Variants in PDZRN3 observed in about 807,000 individuals in gnomAD.
The protein encoded by PDZRN3 is PDZ domain containing ring finger 3.
In PDZRN3, 38 loss-of-function variants were observed where a neutral mutation model predicts 85.7. The ratio of observed to expected loss-of-function variants is 0.44; its 90% CI spans 0.34 to 0.58. The LOEUF is 0.58. Among genes scored for constraint, PDZRN3 ranks in the 20% least tolerant of loss-of-function variants. The pLI is 0.01. For synonymous variants in PDZRN3, 759 were observed against 638.0 expected (o/e 1.19, Z -2.86); for missense variants, 1,629 against 1,506.4 (o/e 1.08, Z -1.35).
intron 3 of PDZRN3, among the ~76,000 whole-genome samples, chr3:73,435,304 C>T (rs1016865200): frequency 1.3e-5 from 2 of 152,170 alleles, no homozygotes; most frequent in African/African-American, 4.8e-5. Context: ...GCCTTCCTTC[C>T]AGGCCCTCAC....
At chr3:73,499,759 T>C (rs990571302) in intron 3 of PDZRN3, among the ~76,000 whole-genome samples, 5 of 152,210 alleles carry the variant, frequency 3.3e-5, no homozygotes, top group Non-Finnish European at 7.3e-5. Context: ...CCCTGGCTCA[T>C]ACCTGGGTTT....
At chr3:73,416,651 T>A (rs1166234553) in intron 3 of PDZRN3, among the ~76,000 whole-genome samples, 1 of 152,192 alleles carries the variant, frequency 6.6e-6, no homozygotes, top group Admixed American at 6.5e-5. Flanking sequence ...AAGAATGGTT[T>A]ATTCTGTGAC....
chr3:73,526,941 T>C (rs1394921962), intron 3 of PDZRN3, among the ~76,000 whole-genome samples: 2 of 152,094 alleles, frequency 1.3e-5, no homozygotes, highest in African/African-American at 4.8e-5. Flanking sequence ...CTCCGCCTCC[T>C]GGGTTCAAGC....
intron 3 of PDZRN3, among the ~76,000 whole-genome samples, chr3:73,514,108 T>C (rs975480832): frequency 1.3e-5 from 2 of 152,218 alleles, no homozygotes; most frequent in Non-Finnish European, 2.9e-5. Context: ...AAACAAAGGA[T>C]ACTTAGAAGT....
chr3:73,447,771 T>G (rs1702779954), intron 3 of PDZRN3, among the ~76,000 whole-genome samples: 1 of 152,198 alleles, frequency 6.6e-6, no homozygotes, highest in Admixed American at 6.5e-5. Flanking sequence ...CTGTTAACCA[T>G]GTTGATGTTC....
chr3:73,554,348 GAGAAGAC>G (rs59590608), intron 3 of PDZRN3, among the ~76,000 whole-genome samples: 217 of 106,466 alleles, frequency 2.0e-3, no homozygotes, highest in African/African-American at 8.6e-3. Context: ...GGATTGTTGA[GAGAAGAC>G]ACACACACAC....
intron 5 of PDZRN3, among the ~76,000 whole-genome samples, chr3:73,400,378 G>T (rs1192409181): frequency 6.6e-6 from 1 of 152,174 alleles, no homozygotes; most frequent in African/African-American, 2.4e-5. Context: ...ACATTATGTA[G>T]CATCTTGAAT....
At chr3:73,405,776 T>C (rs1701842550) in intron 3 of PDZRN3, among the ~76,000 whole-genome samples, 1 of 152,254 alleles carries the variant, frequency 6.6e-6, no homozygotes, top group African/African-American at 2.4e-5. Flanking sequence ...TACATTTTCC[T>C]CCCTTAGTAT....
intron 2 of PDZRN3, among the ~76,000 whole-genome samples, chr3:73,603,886 T>TACAGACACAC (rs1553706793): frequency 1.4e-5 from 2 of 144,952 alleles, no homozygotes; most frequent in African/African-American, 5.3e-5. Context: ...CACACACACA[T>TACAGACACAC]ACACACACAC....
intron 3 of PDZRN3, among the ~76,000 whole-genome samples, chr3:73,501,948 G>A (rs1481692747): frequency 2.0e-5 from 3 of 152,144 alleles, no homozygotes; most frequent in African/African-American, 7.2e-5. Flanking sequence ...CCTGGGAGGC[G>A]GAGATGCAGT....
At chr3:73,542,959 C>A (rs1701320301) in intron 3 of PDZRN3, among the ~76,000 whole-genome samples, 1 of 152,136 alleles carries the variant, frequency 6.6e-6, no homozygotes, top group South Asian at 2.1e-4. Context: ...GCAAAAGATA[C>A]TTTCCTGTGT....
At chr3:73,605,885 G>A (rs2106901446) in intron 2 of PDZRN3, among the ~76,000 whole-genome samples, 1 of 152,344 alleles carries the variant, frequency 6.6e-6, no homozygotes, top group Non-Finnish European at 1.5e-5. Flanking sequence ...ACTAATGCAA[G>A]CTACAAAATC....
intron 3 of PDZRN3, among the ~76,000 whole-genome samples, chr3:73,455,982 C>T (rs1252019748): frequency 6.6e-6 from 1 of 152,140 alleles, no homozygotes; most frequent in Non-Finnish European, 1.5e-5. Flanking sequence ...AGCACAAACC[C>T]TGCATAAATA....
chr3:73,438,701 T>C (rs1702577758), intron 3 of PDZRN3, among the ~76,000 whole-genome samples: 1 of 152,214 alleles, frequency 6.6e-6, no homozygotes, highest in African/African-American at 2.4e-5. Context: ...TTCACTAACT[T>C]GTCTTCTTCC....
chr3:73,469,237 T>C (rs1362765710), intron 3 of PDZRN3, among the ~76,000 whole-genome samples: 5 of 152,064 alleles, frequency 3.3e-5, no homozygotes. Context: ...CATGCCCAGA[T>C]AATTTTTGTA....
At chr3:73,473,379 T>C (rs1162778033) in intron 3 of PDZRN3, among the ~76,000 whole-genome samples, 3 of 152,044 alleles carry the variant, frequency 2.0e-5, no homozygotes, top group African/African-American at 7.2e-5. Context: ...TGTCTTTGGG[T>C]ATTGACATTT....
At chr3:73,602,576 G>A in intron 2 of PDZRN3, 115 bp from the exon 3 acceptor site, 1 of 629,066 alleles carries the variant, frequency 1.6e-6, no homozygotes, top group Non-Finnish European at 2.8e-6. Context: ...GTGGCAATAG[G>A]GTAAAAGGTA....
At chr3:73,391,814 G>A (rs1477283920) in intron 5 of PDZRN3, among the ~76,000 whole-genome samples, 1 of 152,182 alleles carries the variant, frequency 6.6e-6, no homozygotes, top group Non-Finnish European at 1.5e-5. Context: ...AGGGCTCTCA[G>A]TGTAACCAGG....
chr3:73,386,742 C>G (rs1701398710), intron 8 of PDZRN3, among the ~76,000 whole-genome samples: 1 of 152,248 alleles, frequency 6.6e-6, no homozygotes. Flanking sequence ...CATTTACTAT[C>G]TGGCCCTTTA....
Sources: gnomAD v4.1 joint callset for allele counts (sites outside exome capture counted in the v4.1 genomes callset) on GRCh38, gnomAD v4.1.1 for gene constraint, MANE v1.5 for transcripts, NCBI Gene and HGNC (gene_info 2026-07-23, HGNC 2026-07-21) for gene names.